CCDC88C: variants seen among roughly 807,000 people sequenced by gnomAD.
The protein encoded by CCDC88C is coiled-coil and HOOK domain protein 88C, also known as protein Daple.
Under a neutral mutation model 198.8 loss-of-function variants are expected in CCDC88C, and 131 were observed. The observed-to-expected ratio is 0.66, with a 90% confidence interval of 0.57 to 0.76. The LOEUF (loss-of-function observed/expected upper bound fraction) is 0.76, where lower values mean the gene tolerates loss of function less well. CCDC88C is among the 30% of genes least tolerant of loss of function. CCDC88C has a pLI of 0.00. For missense variants in CCDC88C, 2,553 were observed against 2,631.6 expected, an observed-to-expected ratio of 0.97 and a Z score of 0.65; for synonymous variants, 1,166 against 1,114.7, an observed-to-expected ratio of 1.05 and a Z score of -0.92.
chr14:91,380,846 C>T (rs1213763874), intron 3 of CCDC88C, among the ~76,000 whole-genome samples: 3 of 152,266 alleles, frequency 2.0e-5, no homozygotes, highest in East Asian at 3.9e-4. Flanking sequence ...GTGATTTGCA[C>T]GCCCCGTATC....
At chr14:91,358,259 G>A (rs1196668643) in intron 4 of CCDC88C, among the ~76,000 whole-genome samples, 1 of 152,234 alleles carries the variant, frequency 6.6e-6, no homozygotes, top group Non-Finnish European at 1.5e-5. Flanking sequence ...GGACAGGAGA[G>A]GGGATGGCCA....
At chr14:91,373,892 T>C (rs1166029902) in intron 3 of CCDC88C, among the ~76,000 whole-genome samples, 1 of 152,196 alleles carries the variant, frequency 6.6e-6, no homozygotes, top group Non-Finnish European at 1.5e-5. Flanking sequence ...CAGCCACACT[T>C]GCCTCCAATG....
intron 3 of CCDC88C, among the ~76,000 whole-genome samples, chr14:91,364,350 A>G (rs749875516): frequency 5.3e-5 from 8 of 152,222 alleles, no homozygotes; most frequent in Non-Finnish European, 1.0e-4. Flanking sequence ...TTTGCTTTTC[A>G]TAAATGACTT....
intron 3 of CCDC88C, among the ~76,000 whole-genome samples, chr14:91,406,960 A>T (rs1886519772): frequency 6.6e-6 from 1 of 152,144 alleles, no homozygotes; most frequent in African/African-American, 2.4e-5. Context: ...AACTAAAGGG[A>T]TGGGGCTGGT....
At chr14:91,289,908 G>C (rs939130592) in intron 24 of CCDC88C, among the ~76,000 whole-genome samples, 8 of 152,298 alleles carry the variant, frequency 5.3e-5, no homozygotes, top group African/African-American at 1.9e-4. Context: ...AAACGAAACA[G>C]CATCTATTTA....
chr14:91,305,920 C>A lies in CCDC88C; in HGVS notation c.3202G>T (p.Ala1068Ser), dbSNP rs201044013. The stretch of plus-strand genomic sequence containing the variant: ...AGCAGCTGCTTCTCAGCCTGCAGAG[C>A]TGCATTCTAGAAGATCGGGAGGCAT... ...RAIELERNNA[A>S]LQAEKQLLKE... Residue 1068 changes from alanine to serine, a missense_variant, in exon 19 of 30, where the codon GCT (alanine) becomes TCT (serine). Ala to Ser is a moderately conservative substitution (Grantham distance 99, BLOSUM62 1). Coordinates refer to ENST00000389857, the MANE Select transcript of CCDC88C (RefSeq NM_001080414.4). The A allele has an allele frequency of 2.0e-3, 3,227 of 1,613,180 alleles. 9 individuals are homozygous for A. Among genetic ancestry groups the A allele is most frequent in the South Asian group, 2.1e-3 (193 of 91,064 alleles).
At position 91,303,862 on chromosome 14, in the gene CCDC88C, C is replaced by T. The variant is rs369409841; in HGVS notation, c.3474G>A (p.Glu1158=). The T allele has an allele frequency of 2.9e-5, 46 of 1,613,270 alleles. No individual in the cohort carries two copies. The African/African-American group carries it at 5.2e-4, about 18-fold the overall frequency. The change falls in exon 20 of 30, where the codon GAG becomes GAA. Residue 1158 remains glutamate (E), a synonymous_variant. Coordinates refer to ENST00000389857, the MANE Select transcript of CCDC88C (RefSeq NM_001080414.4). ...GGGCCTCGTAGGCCGCTGTAAGTTGCTCCTGCTGCCTCTGCAGGCTTTCGT... is the reference window on the plus strand; with the variant it reads ...GGGCCTCGTAGGCCGCTGTAAGTTGTTCCTGCTGCCTCTGCAGGCTTTCGT... ...TENESLQRQQ[E]QLTAAYEALL...
intron 10 of CCDC88C, among the ~76,000 whole-genome samples, chr14:91,328,555 G>A (rs1194860611): frequency 6.6e-6 from 1 of 152,194 alleles, no homozygotes; most frequent in African/African-American, 2.4e-5. Flanking sequence ...TGAAGTCACA[G>A]CCCAGGACTG....
chr14:91,364,702 A>T (rs186115347), intron 3 of CCDC88C, among the ~76,000 whole-genome samples: 1 of 152,308 alleles, frequency 6.6e-6, no homozygotes, highest in Admixed American at 6.5e-5. Context: ...GTGTCTGCAC[A>T]CGGTGTCAAC....
intron 4 of CCDC88C, among the ~76,000 whole-genome samples, chr14:91,348,108 C>A (rs1478523907): frequency 2.6e-5 from 4 of 152,000 alleles, no homozygotes; most frequent in African/African-American, 2.4e-5. Context: ...TGGGTTCAAG[C>A]GATTCTCCTG....
At chr14:91,417,187 C>A (rs1476022481) in intron 1 of CCDC88C, 2 of 702,838 alleles carry the variant, frequency 2.8e-6, no homozygotes, top group African/African-American at 3.5e-5. Context: ...TCCCATTCGG[C>A]GCCCCCCATT....
intron 12 of CCDC88C, among the ~76,000 whole-genome samples, chr14:91,322,497 C>T (rs1002719364): frequency 9.2e-5 from 14 of 152,298 alleles, no homozygotes; most frequent in African/African-American, 2.2e-4. Flanking sequence ...CATACAAGGA[C>T]GCTTGGAGGG....
At chr14:91,384,412 A>G (rs1447023362) in intron 3 of CCDC88C, 4 of 516,178 alleles carry the variant, frequency 7.7e-6, no homozygotes, top group Non-Finnish European at 1.2e-5. Flanking sequence ...AAGGTAGACC[A>G]TCCTGCTTCA....
At chr14:91,289,503 A>T (rs1196778769) in intron 24 of CCDC88C, among the ~76,000 whole-genome samples, 160 bp from the exon 25 acceptor site, 1 of 152,096 alleles carries the variant, frequency 6.6e-6, no homozygotes, top group Non-Finnish European at 1.5e-5. Flanking sequence ...TGGTAATCAT[A>T]TTTGGGGCTC....
intron 10 of CCDC88C, among the ~76,000 whole-genome samples, chr14:91,330,088 G>C (rs1038351864): frequency 1.3e-5 from 2 of 152,264 alleles, no homozygotes; most frequent in Non-Finnish European, 2.9e-5. Flanking sequence ...GCCACAAGGT[G>C]CATGGGGCAC....
At chr14:91,294,028 G>T in intron 23 of CCDC88C, 145 bp downstream of exon 23, 1 of 832,732 alleles carries the variant, frequency 1.2e-6, no homozygotes, top group Non-Finnish European at 1.9e-6. Flanking sequence ...AGGGCAGTCC[G>T]TGCTGGTGAT....
intron 3 of CCDC88C, among the ~76,000 whole-genome samples, chr14:91,406,418 G>C (rs1016763366): frequency 6.6e-6 from 1 of 152,166 alleles, no homozygotes; most frequent in Non-Finnish European, 1.5e-5. Context: ...GGAGGACAGG[G>C]ATGCAGACAC....
At chr14:91,385,717 A>G (rs1885091751) in intron 3 of CCDC88C, among the ~76,000 whole-genome samples, 1 of 152,084 alleles carries the variant, frequency 6.6e-6, no homozygotes, top group Non-Finnish European at 1.5e-5. Flanking sequence ...TAATCCTAGC[A>G]CTTTGGGAGG....
chr14:91,293,553 C>CTCACGTG (rs1567055867), intron 23 of CCDC88C, among the ~76,000 whole-genome samples: 1 of 50,204 alleles, frequency 2.0e-5, no homozygotes, highest in Admixed American at 2.0e-4. Flanking sequence ...CCTTCCTGTC[C>CTCACGTG]CCTCGCCTGC....
Sources: allele counts gnomAD v4.1 joint callset (sites outside exome capture counted in the v4.1 genomes callset), GRCh38; gene constraint gnomAD v4.1.1; transcripts MANE v1.5; gene names NCBI Gene and HGNC (gene_info 2026-07-23, HGNC 2026-07-21).